Variants in SECISBP2 observed in about 807,000 individuals in gnomAD.
The protein encoded by SECISBP2 is selenocysteine insertion sequence-binding protein 2.
A neutral mutation model predicts 98.2 loss-of-function variants in SECISBP2; 96 were observed. The observed-to-expected ratio is 0.98, with a 90% CI of 0.83 to 1.16. The LOEUF (loss-of-function observed/expected upper bound fraction) is 1.16, where lower values mean the gene tolerates loss of function less well. Among genes scored for constraint, SECISBP2 ranks in the 50% most tolerant of loss-of-function variants. The pLI, the probability that SECISBP2 is intolerant of heterozygous loss-of-function variation, is 0.00. For synonymous variants in SECISBP2, 407 were observed against 370.2 expected, an observed-to-expected ratio of 1.10 and a Z score of -1.14; for missense variants, 1,046 against 1,022.9, an observed-to-expected ratio of 1.02 and a Z score of -0.31.
At position 89,348,130 on chromosome 9, in the gene SECISBP2, G is replaced by T. The variant is rs751746897; in HGVS notation, c.1654G>T (p.Val552Leu). 1 of 1,614,084 alleles carries T rather than the reference G, an allele frequency of 6.2e-7. No individual in the cohort carries two copies. Among genetic ancestry groups the T allele is most frequent in the Admixed American group, 1.7e-5 (1 of 60,028 alleles). Residue 552 changes from valine to leucine, a missense_variant, in exon 12 of 17, where the codon GTG (valine) becomes TTG (leucine). Val to Leu is a conservative substitution (Grantham distance 32). Coordinates refer to ENST00000375807, the MANE Select transcript of SECISBP2 (RefSeq NM_024077.5). ...ERKQRLQENA[V>L]SPAFTSDDTQ... ...AAAGCAGCGTCTCCAAGAAAATGCT[G>T]TGAGTCCAGCTTTTACCAGTGATGA...
At chr9:89,358,279 A>G (rs779340916) in intron 16 of SECISBP2, 88 bp downstream of exon 16, 32 of 1,341,242 alleles carry the variant, frequency 2.4e-5, no homozygotes, top group Non-Finnish European at 2.8e-5. Context: ...CAGCTTGACA[A>G]TGCTGCAAGA....
Position 89,333,937 on chromosome 9 carries a change from T to C in SECISBP2, c.881-585T>C. On this transcript the variant is annotated intron_variant, in intron 6 of 16. Transcript: ENST00000375807. Reference sequence around the variant, plus strand: ...TAGTTCTCTAGTGAGGGGAACAGTCTGTTTTACCCTTGGGGGTAGCCACAG... The same window carrying C: ...TAGTTCTCTAGTGAGGGGAACAGTCCGTTTTACCCTTGGGGGTAGCCACAG... 1.5e-5 allele frequency: 11 copies of C among 753,446 alleles called. No homozygotes were observed. The South Asian group carries it at 1.7e-4, about 12-fold the overall frequency. The allele number at this position is 753,446 out of a possible 1,614,324, so 46.7% of individuals were successfully genotyped here. A position where few individuals can be genotyped will look rare whatever the true frequency, so the allele number is the denominator to read the frequency against.
chr9:89,351,986 C>T (rs1379084231), intron 14 of SECISBP2, among the ~76,000 whole-genome samples: 1 of 152,198 alleles, frequency 6.6e-6, no homozygotes, highest in Non-Finnish European at 1.5e-5. Context: ...CACCTGTCAG[C>T]TGTTAGCCAC....
At chr9:89,321,147 G>C (rs574835738) in intron 2 of SECISBP2, among the ~76,000 whole-genome samples, 1 of 152,300 alleles carries the variant, frequency 6.6e-6, no homozygotes, top group East Asian at 1.9e-4. Flanking sequence ...CACTGTAAAG[G>C]GGAGTTTGGC....
At chr9:89,324,398 T>C (rs982950260) in intron 2 of SECISBP2, 3 of 152,258 alleles carry the variant, frequency 2.0e-5, no homozygotes, top group African/African-American at 7.2e-5. Context: ...TAAGTTAACA[T>C]ATCATGAAAT....
At chr9:89,350,899 G>T (rs915396240) in intron 14 of SECISBP2, 47 bp downstream of exon 14, 2 of 1,490,578 alleles carry the variant, frequency 1.3e-6, no homozygotes, top group South Asian at 2.3e-5. Flanking sequence ...CTGCATGAGT[G>T]CCTAGTGTGC....
At chr9:89,345,743 G>A (rs1830325015) in intron 10 of SECISBP2, among the ~76,000 whole-genome samples, 1 of 152,172 alleles carries the variant, frequency 6.6e-6, no homozygotes, top group Non-Finnish European at 1.5e-5. Flanking sequence ...GCTGAACTTG[G>A]TGGTGTCATT....
intron 10 of SECISBP2, among the ~76,000 whole-genome samples, chr9:89,344,540 T>C (rs986585833): frequency 6.6e-6 from 1 of 152,230 alleles, no homozygotes; most frequent in African/African-American, 2.4e-5. Context: ...TAGCCAGTTA[T>C]CCCAGCACCA....
Position 89,359,256 on chromosome 9 carries a change from C to G in SECISBP2, c.*432C>G. 7.1e-6 allele frequency: 2 copies of G among 280,788 alleles called. No individual in the cohort carries two copies. Among genetic ancestry groups the G allele is most frequent in the Non-Finnish European group, 6.9e-6 (1 of 144,892 alleles). 17.4% of individuals were successfully genotyped at this position (280,788 alleles called of 1,614,324 possible). Reference sequence around the variant, plus strand: ...CATTCCTGCCCGGCAACAGCACCGTCCTGCAGGGAGCCACTTGGCAGAAGG... The same window carrying G: ...CATTCCTGCCCGGCAACAGCACCGTGCTGCAGGGAGCCACTTGGCAGAAGG... On this transcript the variant is annotated 3_prime_UTR_variant, in exon 17 of 17. Coordinates refer to ENST00000375807, the MANE Select transcript of SECISBP2 (RefSeq NM_024077.5).
In SECISBP2 at chr9:89,325,541, C is replaced by T. The variant is rs760743400; in HGVS notation, c.297C>T (p.Ser99=). 4 of 1,613,864 alleles carry T rather than the reference C, an allele frequency of 2.5e-6. No homozygotes were observed. The highest frequency in any genetic ancestry group is 3.4e-6 in the Non-Finnish European group (4 of 1,180,004). The part of the protein sequence containing the change: ...PYAYSPYTLD[S]TQNVYSVPGS... ...CCTATTCTCCTTATACCCTTGACTC[C>T]ACACAGAATGTTTACTCAGTGCCTG... Residue 99 remains serine, a synonymous_variant, in exon 3 of 17, where the codon TCC becomes TCT. Transcript: ENST00000375807.
At chr9:89,326,817 A>G (rs1278417844) in intron 4 of SECISBP2, among the ~76,000 whole-genome samples, 1 of 152,190 alleles carries the variant, frequency 6.6e-6, no homozygotes, top group Non-Finnish European at 1.5e-5. Context: ...AGACCATATT[A>G]TTGTACTGAA....
rs571196266 is a variant in SECISBP2, at chr9:89,336,315, C to T, written c.1089+1585C>T. Reference sequence around the variant, plus strand: ...CCTCCCAAAGTGCTGAGATTACAGGCGTGAGCCACCACACCCAACTTTTAA... The same window carrying T: ...CCTCCCAAAGTGCTGAGATTACAGGTGTGAGCCACCACACCCAACTTTTAA... On this transcript the variant is annotated intron_variant, in intron 7 of 16. Coordinates refer to ENST00000375807, the MANE Select transcript of SECISBP2 (RefSeq NM_024077.5). Among the ~76,000 whole-genome samples the T allele has an allele frequency of 6.6e-5, 10 of 151,802 alleles. No homozygotes were observed. In the East Asian group the frequency reaches 1.2e-3, roughly 18 times the overall value.
chr9:89,355,603 T>A (rs1455479958), intron 14 of SECISBP2: 3 of 974,580 alleles, frequency 3.1e-6, no homozygotes, highest in Non-Finnish European at 3.7e-6. Context: ...AAAAAAAAAT[T>A]GGCCATGCAG....
chr9:89,321,452 G>C (rs1220408609), intron 2 of SECISBP2, among the ~76,000 whole-genome samples: 1 of 152,014 alleles, frequency 6.6e-6, no homozygotes, highest in African/African-American at 2.4e-5. Flanking sequence ...GGATCACGAG[G>C]TCAGGAGTTC....
At chr9:89,331,125 C>G (rs1273025494) in intron 5 of SECISBP2, among the ~76,000 whole-genome samples, 1 of 152,132 alleles carries the variant, frequency 6.6e-6, no homozygotes, top group East Asian at 1.9e-4. Flanking sequence ...GAAAAGCATG[C>G]TTAACACATA....
At chr9:89,340,731 C>T (rs772720133) in intron 9 of SECISBP2, among the ~76,000 whole-genome samples, 30 of 152,246 alleles carry the variant, frequency 2.0e-4, no homozygotes, top group Non-Finnish European at 3.7e-4. Flanking sequence ...GAGAATGGAG[C>T]GGAGGCACTA....
At chr9:89,357,654 C>A in intron 15 of SECISBP2, 89 bp downstream of exon 15, 1 of 1,503,288 alleles carries the variant, frequency 6.7e-7, no homozygotes, top group Non-Finnish European at 9.2e-7. Context: ...CACAGAGCAG[C>A]CCCAGAACCT....
chr9:89,334,709 C>T lies in SECISBP2; in HGVS notation c.1068C>T (p.His356=). Residue 356 remains histidine (H), a synonymous_variant, in exon 7 of 17, where the codon CAC becomes CAT. Transcript: ENST00000375807. The part of the protein sequence containing the change: ...SSDPSYNKEK[H]IIHPTQKSKA... ...ATCCTTCCTACAACAAAGAAAAACA[C>T]ATTATTCATCCTACCCAAAAGGTAC... The T allele has an allele frequency of 6.2e-7, 1 of 1,613,270 alleles. No homozygotes were observed. The highest frequency in any genetic ancestry group is 2.2e-5 in the East Asian group (1 of 44,864).
At position 89,348,195 on chromosome 9, in the gene SECISBP2, C is replaced by G; in HGVS notation, c.1719C>G (p.Pro573=). ...DGESGGDDQF[P]EQAELSGPEG... ...AGAGTGGTGGTGATGACCAGTTTCC[C>G]GAGCAGGCAGAGCTGTCAGGTACCA... Residue 573 remains proline (P), a synonymous_variant, in exon 12 of 17, where the codon CCC becomes CCG. Transcript: ENST00000375807. The G allele has an allele frequency of 6.2e-7, 1 of 1,614,126 alleles. No individual in the cohort carries two copies. Among genetic ancestry groups the G allele is most frequent in the South Asian group, 1.1e-5 (1 of 91,076 alleles).
Sources: gnomAD v4.1 joint callset for allele counts (sites outside exome capture counted in the v4.1 genomes callset) on GRCh38, gnomAD v4.1.1 for gene constraint, MANE v1.5 for transcripts, NCBI Gene and HGNC (gene_info 2026-07-23, HGNC 2026-07-21) for gene names.